BCL9: variants seen among roughly 807,000 people sequenced by gnomAD.
BCL9 encodes the protein BCL9 transcription coactivator, also known as B-cell CLL/lymphoma 9 protein.
BCL9 carries 25 observed loss-of-function variants against 88.5 expected under a neutral mutation model. That is an observed-to-expected ratio of 0.28 (90% CI 0.21 to 0.39). The LOEUF is 0.39. Among genes scored for constraint, BCL9 ranks in the 10% least tolerant of loss-of-function variants. The pLI is 1.00. For synonymous variants in BCL9, 711 were observed against 673.3 expected, an observed-to-expected ratio of 1.06 and a Z score of -0.87; for missense variants, 1,817 against 1,877.8, an observed-to-expected ratio of 0.97 and a Z score of 0.60.
intron 6 of BCL9, among the ~76,000 whole-genome samples, 184 bp downstream of exon 6, chr1:147,614,800 G>C (rs1658189134): frequency 6.6e-6 from 1 of 151,214 alleles, no homozygotes; most frequent in Non-Finnish European, 1.5e-5. Context: ...TTCCCTTTCA[G>C]AAATTTTTCG....
chr1:147,548,951 C>T (rs1303471084), intron 1 of BCL9, among the ~76,000 whole-genome samples: 2 of 149,436 alleles, frequency 1.3e-5, no homozygotes, highest in East Asian at 3.9e-4. Context: ...ATTTCGTATA[C>T]TCTCAAATTC....
intron 1 of BCL9, among the ~76,000 whole-genome samples, chr1:147,557,185 T>A (rs72698263): frequency 0.042 from 6,406 of 152,330 alleles, 205 homozygotes; most frequent in Non-Finnish European, 0.066. Flanking sequence ...TAATATGTAA[T>A]TAACCTGGGT....
intron 4 of BCL9, among the ~76,000 whole-genome samples, chr1:147,612,349 T>G (rs1222959771): frequency 6.6e-6 from 1 of 152,160 alleles, no homozygotes; most frequent in Non-Finnish European, 1.5e-5. Context: ...CTGAGGGCAG[T>G]GGTTGGTTTA....
chr1:147,606,605 G>A (rs1400758438), intron 2 of BCL9, among the ~76,000 whole-genome samples, 179 bp from the exon 3 acceptor site: 1 of 152,220 alleles, frequency 6.6e-6, no homozygotes, highest in African/African-American at 2.4e-5. Flanking sequence ...CTACAGATCA[G>A]ATATAATCCT....
Position 147,621,055 on chromosome 1 carries a change from C to T in BCL9, c.2900C>T (p.Ser967Leu). 3 of 1,611,578 alleles carry T rather than the reference C, an allele frequency of 1.9e-6. No homozygotes were observed. Among genetic ancestry groups the T allele is most frequent in the Non-Finnish European group, 1.7e-6 (2 of 1,179,120 alleles). The change falls in exon 8 of 10, where the codon TCA (serine) becomes TTA (leucine). Residue 967 changes from serine to leucine, a missense_variant and splice_region_variant. By Grantham distance (145) the Ser-to-Leu change is moderately radical. Transcript: ENST00000234739. ...ASPAMLGNVE[S>L]GGPPPPTASQ... ...CCAGCCATGCTGGGAAATGTAGAGT[C>T]AGGTCAGTATGCTTGCATCCTCACA...
At chr1:147,608,406 A>G (rs1023597482) in intron 3 of BCL9, among the ~76,000 whole-genome samples, 2 of 148,670 alleles carry the variant, frequency 1.3e-5, no homozygotes, top group African/African-American at 5.0e-5. Context: ...TCCAACAGAC[A>G]GAGGGGATGG....
At chr1:147,613,371 A>G (rs1164399922) in intron 5 of BCL9, among the ~76,000 whole-genome samples, 172 bp downstream of exon 5, 1 of 152,138 alleles carries the variant, frequency 6.6e-6, no homozygotes, top group Admixed American at 6.5e-5. Context: ...TTTTGTTACT[A>G]ACTGAAGAAT....
At chr1:147,607,445 T>G (rs1278882290) in intron 3 of BCL9, among the ~76,000 whole-genome samples, 2 of 152,224 alleles carry the variant, frequency 1.3e-5, no homozygotes, top group African/African-American at 4.8e-5. Context: ...TTCATGGAGC[T>G]TATGGTCTAG....
At chr1:147,575,037 G>A (rs1298551902) in intron 1 of BCL9, among the ~76,000 whole-genome samples, 1 of 152,106 alleles carries the variant, frequency 6.6e-6, no homozygotes, top group East Asian at 1.9e-4. Context: ...AGAGAAGACT[G>A]TACAAAAAAG....
At chr1:147,579,609 A>C (rs1404465107) in intron 1 of BCL9, among the ~76,000 whole-genome samples, 1 of 152,212 alleles carries the variant, frequency 6.6e-6, no homozygotes, top group East Asian at 1.9e-4. Flanking sequence ...AGTCATGAAT[A>C]GGGGCACACC....
chr1:147,621,023 G>T lies in BCL9; in HGVS notation c.2868G>T (p.Met956Ile), dbSNP rs782206521. Residue 956 changes from methionine to isoleucine, a missense_variant, in exon 8 of 10, where the codon ATG becomes ATT. Physicochemically the swap from Met to Ile is conservative, Grantham distance 10 (BLOSUM62 1). Around this residue, in one of 2 missense-constraint regions of BCL9, gnomAD observed 589 missense variants for 686.2 expected, o/e 0.86. Coordinates refer to ENST00000234739, the MANE Select transcript of BCL9 (RefSeq NM_004326.4). ...CAAACCATAAAGCACCCCTCACCAT[G>T]GCCTCCCCAGCCATGCTGGGAAATG... is the stretch of plus-strand genomic sequence containing the variant. ...IPPNHKAPLT[M>I]ASPAMLGNVE... 1.9e-6 allele frequency: 3 copies of T among 1,613,956 alleles called. No homozygotes were observed. The highest frequency in any genetic ancestry group is 2.5e-6 in the Non-Finnish European group (3 of 1,179,960).
intron 1 of BCL9, among the ~76,000 whole-genome samples, chr1:147,599,492 CCG>C (rs34799247): frequency 0.014 from 1,936 of 136,506 alleles, 26 homozygotes; most frequent in Non-Finnish European, 0.02. Context: ...TCCTGGCCCC[CCG>C]CCCCCCTCGG....
intron 1 of BCL9, among the ~76,000 whole-genome samples, chr1:147,541,940 G>C (rs979077267): frequency 6.6e-6 from 1 of 151,716 alleles, no homozygotes; most frequent in African/African-American, 2.4e-5. Context: ...GGGTGGGAGG[G>C]AAAAGAGAGA....
chr1:147,575,635 ATAGG>A (rs1656073292), intron 1 of BCL9, among the ~76,000 whole-genome samples: 18 of 152,266 alleles, frequency 1.2e-4, no homozygotes, highest in Non-Finnish European at 4.4e-5. Context: ...TTGAGGAAGG[ATAGG>A]GGAATAGAGA....
chr1:147,607,352 T>A (rs587672507), intron 3 of BCL9, among the ~76,000 whole-genome samples: 1 of 152,274 alleles, frequency 6.6e-6, no homozygotes, highest in Admixed American at 6.5e-5. Context: ...ACAATGAAAA[T>A]TTTTTAAAGC....
At position 147,621,028 on chromosome 1, in the gene BCL9, C is replaced by T. The variant is rs1450144120; in HGVS notation, c.2873C>T (p.Ser958Phe). Residue 958 changes from serine to phenylalanine, a missense_variant, in exon 8 of 10, where the codon TCC (serine) becomes TTC (phenylalanine). Physicochemically the swap from Ser to Phe is radical, Grantham distance 155. This residue lies in a region of BCL9 where 589 missense variants were observed against 686.2 expected (regional missense o/e 0.86). Coordinates refer to ENST00000234739, the MANE Select transcript of BCL9 (RefSeq NM_004326.4). ...CATAAAGCACCCCTCACCATGGCCT[C>T]CCCAGCCATGCTGGGAAATGTAGAG... is the stretch of plus-strand genomic sequence containing the variant. ...PNHKAPLTMA[S>F]PAMLGNVESG... The T allele has an allele frequency of 6.2e-7, 1 of 1,613,918 alleles. No homozygotes were observed. Among genetic ancestry groups the T allele is most frequent in the Non-Finnish European group, 8.5e-7 (1 of 1,179,946 alleles).
chr1:147,547,807 A>G (rs1167846013), intron 1 of BCL9, among the ~76,000 whole-genome samples: 5 of 152,242 alleles, frequency 3.3e-5, no homozygotes, highest in African/African-American at 1.2e-4. Flanking sequence ...GAACCTAAGA[A>G]TGTACTCTGT....
chr1:147,556,810 G>T (rs1655135951), intron 1 of BCL9, among the ~76,000 whole-genome samples: 1 of 152,152 alleles, frequency 6.6e-6, no homozygotes, highest in Admixed American at 6.5e-5. Context: ...GGTCACTTGA[G>T]ACAGCTCCTG....
intron 1 of BCL9, among the ~76,000 whole-genome samples, chr1:147,582,557 A>G (rs781865538): frequency 2.9e-4 from 44 of 152,312 alleles, no homozygotes; most frequent in Non-Finnish European, 5.7e-4. Context: ...CGAGGGCCGA[A>G]TCTGTCCTGT....
Sources: gnomAD v4.1 joint callset for allele counts (sites outside exome capture counted in the v4.1 genomes callset) on GRCh38, gnomAD v4.1.1 for gene constraint, gnomAD v4.1.1 regional missense constraint, MANE v1.5 for transcripts, NCBI Gene and HGNC (gene_info 2026-07-23, HGNC 2026-07-21) for gene names.